The following PYHIN1 variants were observed in gnomAD, a reference collection of about 807,000 sequenced individuals.
PYHIN1 encodes the protein pyrin and HIN domain-containing protein 1.
In PYHIN1, 32 loss-of-function variants were observed where a neutral mutation model predicts 43.7. The observed-to-expected ratio is 0.73, with a 90% CI of 0.55 to 0.98. The LOEUF (loss-of-function observed/expected upper bound fraction) is 0.98. PYHIN1 is among the 50% of genes least tolerant of loss of function. The pLI, the probability that PYHIN1 is intolerant of heterozygous loss-of-function variation, is 0.00. For synonymous variants in PYHIN1, 205 were observed against 203.1 expected, an observed-to-expected ratio of 1.01 and a Z score of -0.08; for missense variants, 588 against 589.5, an observed-to-expected ratio of 1.00 and a Z score of 0.03.
chr1:158,978,255 ATGTG>A (rs879572001), downstream of PYHIN1, among the ~76,000 whole-genome samples: 1 of 151,022 alleles, frequency 6.6e-6, no homozygotes, highest in Non-Finnish European at 1.5e-5. Context: ...TAATATTCAT[ATGTG>A]TGTGTGTGTC....
chr1:158,952,681 G>C (rs978996183), intron 7 of PYHIN1, among the ~76,000 whole-genome samples: 1 of 152,166 alleles, frequency 6.6e-6, no homozygotes, highest in Non-Finnish European at 1.5e-5. Flanking sequence ...AGCCCATAGC[G>C]TTAGGGCTGT....
chr1:158,945,949 T>C (rs1327351385), intron 7 of PYHIN1, among the ~76,000 whole-genome samples: 1 of 152,154 alleles, frequency 6.6e-6, no homozygotes, highest in Non-Finnish European at 1.5e-5. Flanking sequence ...AAAAAAGTCT[T>C]CCTCAAGTTC....
At chr1:158,934,740 G>A (rs576427521) in intron 1 of PYHIN1, among the ~76,000 whole-genome samples, 10 of 151,864 alleles carry the variant, frequency 6.6e-5, no homozygotes, top group African/African-American at 1.2e-4. Context: ...TATTTTTATC[G>A]AGGTGGAGTT....
chr1:158,956,641 A>G lies in PYHIN1; in HGVS notation c.1359+11599A>G, dbSNP rs766360637. Among the ~76,000 whole-genome samples the G allele has an allele frequency of 3.3e-3, 495 of 151,868 alleles. 1 individual carries two copies. Among genetic ancestry groups the G allele is most frequent in the Admixed American group, 6.5e-3 (99 of 15,276 alleles). ...AGCTATCTATGACAAACGCACAGCC[A>G]ATATCATACTGAATGGGCAAAAACT... On this transcript the variant is annotated intron_variant, in intron 7 of 8. Coordinates refer to ENST00000368140, the MANE Select transcript of PYHIN1 (RefSeq NM_152501.5).
chr1:158,965,469 A>G (rs1421993030), intron 7 of PYHIN1, among the ~76,000 whole-genome samples: 1 of 152,134 alleles, frequency 6.6e-6, no homozygotes, highest in East Asian at 1.9e-4. Flanking sequence ...CATAGCACAC[A>G]CTCTGAAGTC....
intron 7 of PYHIN1, among the ~76,000 whole-genome samples, chr1:158,972,000 A>G (rs575375246): frequency 6.6e-6 from 1 of 152,206 alleles, no homozygotes; most frequent in South Asian, 2.1e-4. Context: ...ATCAAACCAG[A>G]TAGATGATGA....
chr1:158,985,785 T>G, the PYHIN1 span, among the ~76,000 whole-genome samples: 2 of 152,316 alleles, frequency 1.3e-5, no homozygotes, highest in South Asian at 4.1e-4. Flanking sequence ...CTTTCTGTGA[T>G]GCAAATCAGT....
chr1:158,970,512 T>C (rs964530737), intron 7 of PYHIN1, among the ~76,000 whole-genome samples: 2 of 152,002 alleles, frequency 1.3e-5, no homozygotes, highest in African/African-American at 4.8e-5. Flanking sequence ...TCTTGGCCTT[T>C]CCACTAAGAT....
At position 158,938,521 on chromosome 1, in the gene PYHIN1, AGAG is replaced by A; in HGVS notation, c.394_396del (p.Glu132del). 6.2e-7 allele frequency: 1 copy of A among 1,614,214 alleles called. No homozygotes were observed. The highest frequency in any genetic ancestry group is 8.5e-7 in the Non-Finnish European group (1 of 1,180,018). On this transcript the variant is annotated inframe_deletion, in exon 3 of 9. Transcript: ENST00000368140. ...GCAACCGTCTCACAGCTAAAGGAGC[AGAG>A]GAGACTCTTGGACCTCAGGTAAGCT...
intron 7 of PYHIN1, among the ~76,000 whole-genome samples, chr1:158,962,826 T>C (rs71632648): frequency 6.6e-6 from 1 of 151,934 alleles, no homozygotes; most frequent in Admixed American, 6.6e-5. Flanking sequence ...AAGCATACGG[T>C]CTGCTAGTAA....
downstream of PYHIN1, among the ~76,000 whole-genome samples, chr1:158,980,520 G>C (rs567694973): frequency 5.3e-5 from 8 of 152,020 alleles, no homozygotes; most frequent in South Asian, 1.7e-3. Context: ...AATGGAATGC[G>C]TTCCTGGGGA....
At chr1:158,936,614 G>C (rs917049118) in intron 1 of PYHIN1, among the ~76,000 whole-genome samples, 5 of 152,024 alleles carry the variant, frequency 3.3e-5, no homozygotes, top group African/African-American at 9.7e-5. Flanking sequence ...TATCTCAATA[G>C]ATGCAGAAAA....
At chr1:158,950,146 G>C (rs1253200871) in intron 7 of PYHIN1, among the ~76,000 whole-genome samples, 2 of 152,240 alleles carry the variant, frequency 1.3e-5, no homozygotes, top group African/African-American at 4.8e-5. Flanking sequence ...GGGCGAAAGA[G>C]AGGCAGATCT....
At chr1:158,982,938 C>A in the PYHIN1 span, among the ~76,000 whole-genome samples, 12 of 151,950 alleles carry the variant, frequency 7.9e-5, no homozygotes, top group Non-Finnish European at 2.9e-5. Flanking sequence ...TGGCTTTCAG[C>A]TTGGGTATTA....
At chr1:158,956,675 T>G (rs1444380833) in intron 7 of PYHIN1, among the ~76,000 whole-genome samples, 1 of 151,064 alleles carries the variant, frequency 6.6e-6, no homozygotes, top group Admixed American at 6.6e-5. Context: ...CTGGAAGCAT[T>G]CCCTTTGAAA....
intron 7 of PYHIN1, among the ~76,000 whole-genome samples, chr1:158,968,448 A>G (rs1650753224): frequency 6.6e-6 from 1 of 152,126 alleles, no homozygotes. Flanking sequence ...AAAATAACAG[A>G]TACTGGTGAG....
chr1:158,965,057 T>C (rs1385580543), intron 7 of PYHIN1, among the ~76,000 whole-genome samples: 3 of 144,636 alleles, frequency 2.1e-5, no homozygotes, highest in Admixed American at 6.8e-5. Context: ...ACCAAACAAA[T>C]AGAAAGCAGA....
intron 1 of PYHIN1, among the ~76,000 whole-genome samples, chr1:158,935,935 C>T (rs1648509666): frequency 6.6e-6 from 1 of 152,132 alleles, no homozygotes; most frequent in Non-Finnish European, 1.5e-5. Flanking sequence ...TTCAACTATC[C>T]TCATTCAATG....
intron 1 of PYHIN1, among the ~76,000 whole-genome samples, chr1:158,936,333 A>G (rs575733111): frequency 1.1e-4 from 16 of 151,106 alleles, no homozygotes; most frequent in Non-Finnish European, 1.8e-4. Flanking sequence ...TCCTTGCGAT[A>G]GTTTGCTGAG....
Sources: gnomAD v4.1 joint callset for allele counts (sites outside exome capture counted in the v4.1 genomes callset) on GRCh38, gnomAD v4.1.1 for gene constraint, MANE v1.5 for transcripts, NCBI Gene and HGNC (gene_info 2026-07-23, HGNC 2026-07-21) for gene names.